The following VILL variants were observed in gnomAD, a reference collection of about 807,000 sequenced individuals.
The protein encoded by VILL is villin like.
In VILL, 102 loss-of-function variants were observed where a neutral mutation model predicts 106.3. The ratio of observed to expected loss-of-function variants is 0.96; its 90% CI spans 0.82 to 1.13. The LOEUF (loss-of-function observed/expected upper bound fraction) is 1.13, where lower values mean the gene tolerates loss of function less well. Ranked by LOEUF, VILL falls within the 50% of genes most tolerant of loss-of-function variation. The pLI, the probability that VILL is intolerant of heterozygous loss-of-function variation, is 0.00. For synonymous variants in VILL, 431 were observed against 440.3 expected (o/e 0.98, Z 0.27); for missense variants, 1,076 against 1,116.6 (o/e 0.96, Z 0.52).
intron 1 of VILL, among the ~76,000 whole-genome samples, chr3:37,993,137 TC>T (rs1398632722): frequency 6.6e-6 from 1 of 152,202 alleles, no homozygotes; most frequent in African/African-American, 2.4e-5. Flanking sequence ...GTCCCTTCCT[TC>T]CCCCAGGTAC....
chr3:38,002,036 C>T, intron 13 of VILL, 176 bp downstream of exon 13: 1 of 1,003,070 alleles, frequency 1.0e-6, no homozygotes, highest in Non-Finnish European at 1.5e-6. Context: ...CCTGAGTTTC[C>T]CTCCCCAGTC....
In VILL at chr3:38,006,523, G is replaced by A. The variant is rs1559368562; in HGVS notation, c.2280G>A (p.Lys760=). The A allele has an allele frequency of 1.2e-5, 19 of 1,612,982 alleles. No homozygotes were observed. Among genetic ancestry groups the A allele is most frequent in the Non-Finnish European group, 1.5e-5 (18 of 1,179,090 alleles). ...GTGCCGTGGCCCTGCAGGCCCTCAAGGGCTCCCAGGACAGCTCAGAGAATG... is the reference window on the plus strand; with the variant it reads ...GTGCCGTGGCCCTGCAGGCCCTCAAAGGCTCCCAGGACAGCTCAGAGAATG... ...RAGAVALQAL[K]GSQDSSENDL... is the part of the protein sequence containing the mutation. The change falls in exon 19 of 20, where the codon AAG becomes AAA. Residue 760 remains lysine, a synonymous_variant. Transcript: ENST00000383759.
In VILL at chr3:37,999,524, A is replaced by T. The variant is rs1234625636; in HGVS notation, c.1182+85A>T. ...GGTAAACGGTATGACTGCTATCTAA[A>T]GTGACCCAGGTGCACATCCACACAC... On this transcript the variant is annotated intron_variant, in intron 11 of 19. Coordinates refer to ENST00000383759, the MANE Select transcript of VILL (RefSeq NM_015873.4). 2.8e-6 allele frequency: 3 copies of T among 1,078,670 alleles called. No individual in the cohort carries two copies. The Admixed American group carries it at 9.0e-5, about 32-fold the overall frequency. The allele number at this position is 1,078,670 out of a possible 1,614,324, so 66.8% of individuals were successfully genotyped here.
chr3:37,998,911 G>C lies in VILL; in HGVS notation c.943-1G>C, dbSNP rs764280163. Reference sequence around the variant, plus strand: ...AGGACTGACGATGCCTTCCGCCCCAGGGCTTCATCCAGGCCAAGGGCTACC... The same window carrying C: ...AGGACTGACGATGCCTTCCGCCCCACGGCTTCATCCAGGCCAAGGGCTACC... On this transcript the variant is annotated splice_acceptor_variant, in intron 9 of 19. Coordinates refer to ENST00000383759, the MANE Select transcript of VILL (RefSeq NM_015873.4). LOFTEE classifies it high-confidence loss of function. This position sits in a 1 kb window ranked among gnomAD's most constrained non-coding sequence, Gnocchi z 4.1. 97 of 1,594,022 alleles carry C rather than the reference G, an allele frequency of 6.1e-5. No homozygotes were observed. Among genetic ancestry groups the C allele is most frequent in the Admixed American group, 1.7e-4 (10 of 59,404 alleles).
At chr3:37,996,186 T>C (rs888068017) in intron 5 of VILL, among the ~76,000 whole-genome samples, 2 of 152,094 alleles carry the variant, frequency 1.3e-5, no homozygotes, top group Non-Finnish European at 2.9e-5. Flanking sequence ...AAAGACCCTG[T>C]CTCTGAAACA....
upstream of VILL, among the ~76,000 whole-genome samples, chr3:37,989,893 G>A (rs1699589335): frequency 6.6e-6 from 1 of 152,214 alleles, no homozygotes; most frequent in South Asian, 2.1e-4. Context: ...TCACACACTA[G>A]CTGTAGGTCT....
Position 37,997,052 on chromosome 3 carries a change from C to CT in VILL, c.451-24dup, listed in dbSNP as rs765785090. On this transcript the variant is annotated intron_variant, in intron 5 of 19. Coordinates refer to ENST00000383759, the MANE Select transcript of VILL (RefSeq NM_015873.4). The surrounding 1 kb of genome is among the most constrained non-coding windows in gnomAD (Gnocchi z 4.7). ...TAGCGGATGCTGGTGGTATGACACT[C>CT]TGTCTCTCTCCCTGGCTCTGGCAGG... 3.1e-4 allele frequency: 492 copies of CT among 1,605,274 alleles called. 3 individuals are homozygous for CT. In the East Asian group the frequency reaches 9.6e-3, roughly 31 times the overall value.
At chr3:37,993,767 A>G (rs765725055) in intron 2 of VILL, 35 bp downstream of exon 2, 13 of 1,612,352 alleles carry the variant, frequency 8.1e-6, no homozygotes, top group Admixed American at 1.7e-5. Context: ...AGTTGGTGAC[A>G]TGGAAGAGCG....
At chr3:38,005,276 T>C (rs769651205) in intron 16 of VILL, among the ~76,000 whole-genome samples, 6 of 152,268 alleles carry the variant, frequency 3.9e-5, no homozygotes, top group Non-Finnish European at 7.4e-5. Flanking sequence ...AATTTCCCCC[T>C]GCTCCCCCCT....
chr3:37,989,691 C>G (rs1473025721), upstream of VILL, among the ~76,000 whole-genome samples: 1 of 152,150 alleles, frequency 6.6e-6, no homozygotes, highest in Admixed American at 6.5e-5. Context: ...CGGGTATGCA[C>G]AGGTACAGTG....
Position 37,997,493 on chromosome 3 carries a change from T to A in VILL, c.572T>A (p.Leu191Ter). The change falls in exon 7 of 20, where the codon TTG (leucine) becomes TAG (stop). Residue 191 changes from leucine (L) to a stop codon, truncating the protein, a stop_gained. Transcript: ENST00000383759. LOFTEE classifies it high-confidence loss of function. This position sits in a 1 kb window ranked among gnomAD's most constrained non-coding sequence, Gnocchi z 4.7. ...SISEKARGLA[L>*]TYSLRDRERG... ...GGTCCTCTCCCGCAGGGGCTGGCTT[T>A]GACCTACAGCCTCCGGGACAGGGAA... 6.2e-7 allele frequency: 1 copy of A among 1,613,842 alleles called. No individual in the cohort carries two copies. The highest frequency in any genetic ancestry group is 8.5e-7 in the Non-Finnish European group (1 of 1,179,986).
intron 17 of VILL, 45 bp from the exon 18 acceptor site, chr3:38,006,136 C>G: frequency 6.2e-7 from 1 of 1,613,666 alleles, no homozygotes; most frequent in Non-Finnish European, 8.5e-7. Flanking sequence ...TTGGTGCCCC[C>G]TTCTCCTGCC....
rs548167899 is a variant in VILL at position 37,992,690 on chromosome 3, C to A, written c.-86-897C>A. Among the ~76,000 whole-genome samples, 3 of 152,274 alleles carry A rather than the reference C, an allele frequency of 2.0e-5. No homozygotes were observed. In the South Asian group the frequency reaches 6.2e-4, roughly 32 times the overall value. ...TGAGCTGTGACGGACCCAGCTCTAACCCCCTAGAAGGACAGCCCACTCTGC... is the reference window on the plus strand; with the variant it reads ...TGAGCTGTGACGGACCCAGCTCTAAACCCCTAGAAGGACAGCCCACTCTGC... On this transcript the variant is annotated intron_variant, in intron 1 of 19. Transcript: ENST00000383759.
chr3:37,995,179 G>A (rs1481563520), intron 4 of VILL, among the ~76,000 whole-genome samples: 2 of 152,208 alleles, frequency 1.3e-5, no homozygotes, highest in Non-Finnish European at 2.9e-5. Context: ...ATCTTTCGCT[G>A]TAAATTGCTT....
intron 4 of VILL, 65 bp from the exon 5 acceptor site, chr3:37,995,674 G>A (rs543807186): frequency 1.1e-4 from 143 of 1,356,124 alleles, no homozygotes; most frequent in Non-Finnish European, 1.3e-4. Context: ...AGTCATTCAT[G>A]CACATGGCAG....
chr3:38,002,632 G>A, intron 14 of VILL, 57 bp downstream of exon 14: 4 of 1,569,430 alleles, frequency 2.5e-6, no homozygotes, highest in Non-Finnish European at 3.5e-6. Context: ...CCAGGCTGGG[G>A]GTGGGTCCTC....
At position 37,999,345 on chromosome 3, in the gene VILL, C is replaced by T; in HGVS notation, c.1088C>T (p.Ser363Leu). ...CCTACTGTCCCCCCTTCAGATAAATCGATTCATGTAAAGCTGGACGTGGGC... is the reference window on the plus strand; with the variant it reads ...CCTACTGTCCCCCCTTCAGATAAATTGATTCATGTAAAGCTGGACGTGGGC... The part of the protein sequence containing the change: ...RNQKLGGRDK[S>L]IHVKLDVGKL... The change falls in exon 11 of 20, where the codon TCG becomes TTG. Residue 363 changes from serine to leucine, a missense_variant. Coordinates refer to ENST00000383759, the MANE Select transcript of VILL (RefSeq NM_015873.4). The T allele has an allele frequency of 6.6e-7, 1 of 1,513,896 alleles. No individual in the cohort carries two copies. The highest frequency in any genetic ancestry group is 2.5e-5 in the East Asian group (1 of 40,082). 93.8% of individuals were successfully genotyped at this position (1,513,896 alleles called of 1,614,324 possible).
chr3:38,005,618 CCTT>C (rs1312080248), intron 16 of VILL, among the ~76,000 whole-genome samples, 171 bp from the exon 17 acceptor site: 3 of 152,158 alleles, frequency 2.0e-5, no homozygotes, highest in African/African-American at 7.2e-5. Flanking sequence ...ATTCCTGTGA[CCTT>C]CTCGTGTGTT....
upstream of VILL, among the ~76,000 whole-genome samples, chr3:37,989,746 G>A (rs1699587779): frequency 1.3e-5 from 2 of 152,144 alleles, no homozygotes; most frequent in African/African-American, 2.4e-5. Context: ...CCCAAGTGGG[G>A]ATCAGACAGA....
Sources: allele counts gnomAD v4.1 joint callset (sites outside exome capture counted in the v4.1 genomes callset), GRCh38; gene constraint gnomAD v4.1.1; non-coding constraint Gnocchi (gnomAD v3.1); transcripts MANE v1.5; gene names NCBI Gene and HGNC (gene_info 2026-07-23, HGNC 2026-07-21).